The following CSPP1 variants were observed in gnomAD, a reference collection of about 807,000 sequenced individuals.
CSPP1 encodes the protein centrosome and spindle pole-associated protein 1.
Under a neutral mutation model 164.4 loss-of-function variants are expected in CSPP1, and 126 were observed. The ratio of observed to expected loss-of-function variants is 0.77; its 90% CI spans 0.66 to 0.89. The LOEUF is 0.89. Among genes scored for constraint, CSPP1 ranks in the 40% least tolerant of loss-of-function variants. The pLI is 0.00. For synonymous variants in CSPP1, 472 were observed against 476.7 expected (o/e 0.99, Z 0.13); for missense variants, 1,395 against 1,449.8 (o/e 0.96, Z 0.61).
chr8:67,192,023 T>G (rs558024233), intron 29 of CSPP1, among the ~76,000 whole-genome samples: 1 of 152,248 alleles, frequency 6.6e-6, no homozygotes, highest in African/African-American at 2.4e-5. Flanking sequence ...GCCAGTTGTA[T>G]ATTTTCTTAG....
intron 6 of CSPP1, among the ~76,000 whole-genome samples, chr8:67,094,337 A>AATG (rs1331110522): frequency 2.1e-5 from 3 of 144,152 alleles, no homozygotes; most frequent in African/African-American, 7.8e-5. Flanking sequence ...GCAGTGGCAC[A>AATG]ATGTCAGCTC....
At chr8:67,093,946 G>GT (rs1157779649) in intron 6 of CSPP1, among the ~76,000 whole-genome samples, 1 of 150,918 alleles carries the variant, frequency 6.6e-6, no homozygotes, top group South Asian at 2.1e-4. Context: ...AGCTATGTTT[G>GT]TTTTTTTCAA....
chr8:67,111,287 A>AT (rs1380450929), intron 9 of CSPP1, among the ~76,000 whole-genome samples: 4 of 151,998 alleles, frequency 2.6e-5, no homozygotes, highest in Non-Finnish European at 5.9e-5. Context: ...AGAGGTTTGT[A>AT]TTTTTTCCTG....
At chr8:67,090,552 A>G (rs1811404673) in intron 4 of CSPP1, among the ~76,000 whole-genome samples, 1 of 152,104 alleles carries the variant, frequency 6.6e-6, no homozygotes, top group South Asian at 2.1e-4. Context: ...CCAACCTGCT[A>G]GGATTACAGG....
At chr8:67,095,268 TC>T in intron 6 of CSPP1, 24 bp from the exon 7 acceptor site, 1 of 1,474,110 alleles carries the variant, frequency 6.8e-7, no homozygotes, top group Non-Finnish European at 9.1e-7. Flanking sequence ...AAGTTTTGTT[TC>T]TTTTTTCTTT....
rs1818311523 is a variant in CSPP1, at chr8:67,118,240, T to C, written c.1497-8T>C. On this transcript the variant is annotated splice_region_variant and splice_polypyrimidine_tract_variant and intron_variant, in intron 13 of 30. Transcript: ENST00000678616. ...TGAGAGGAATTTTTCATCTTTCTTT[T>C]CATACAGGATTGCACCTCTGCCTCC... 2 of 1,611,374 alleles carry C rather than the reference T, an allele frequency of 1.2e-6. No individual in the cohort carries two copies. Among genetic ancestry groups the C allele is most frequent in the Middle Eastern group, 1.7e-4 (1 of 6,058 alleles).
intron 17 of CSPP1, among the ~76,000 whole-genome samples, chr8:67,140,932 T>G (rs1823363285): frequency 6.6e-6 from 1 of 152,228 alleles, no homozygotes; most frequent in Admixed American, 6.5e-5. Context: ...GACCTAGTTA[T>G]AGGTTCTAAC....
At chr8:67,102,462 C>T (rs553597433) in intron 7 of CSPP1, among the ~76,000 whole-genome samples, 31 of 152,092 alleles carry the variant, frequency 2.0e-4, no homozygotes, top group South Asian at 4.2e-4. Flanking sequence ...TGGTGGTGCG[C>T]GCCTATAGTC....
intron 3 of CSPP1, among the ~76,000 whole-genome samples, chr8:67,081,777 C>T (rs561769563): frequency 1.3e-5 from 2 of 152,286 alleles, no homozygotes; most frequent in Admixed American, 6.5e-5. Context: ...GAGGATCTTG[C>T]TCTGTCATCC....
At chr8:67,171,985 C>G (rs1393182943) in intron 24 of CSPP1, among the ~76,000 whole-genome samples, 6 of 151,806 alleles carry the variant, frequency 4.0e-5, no homozygotes, top group Admixed American at 6.6e-5. Flanking sequence ...GTAGCTGGGA[C>G]TACAGGTGTG....
rs1173007928 is a variant in CSPP1 at position 67,168,170 on chromosome 8, G to A, written c.2828+3662G>A. Among the ~76,000 whole-genome samples the A allele has an allele frequency of 1.1e-4, 17 of 152,232 alleles. No individual in the cohort carries two copies. The East Asian group carries it at 2.1e-3, about 19-fold the overall frequency. On this transcript the variant is annotated intron_variant, in intron 24 of 30. Transcript: ENST00000678616. ...AAACTAGTCAGGCGTGGTGGCGCGCGCCTATAATCGCAGGCACTTGGCAGG... is the reference window on the plus strand; with the variant it reads ...AAACTAGTCAGGCGTGGTGGCGCGCACCTATAATCGCAGGCACTTGGCAGG...
intron 15 of CSPP1, among the ~76,000 whole-genome samples, chr8:67,131,438 A>G (rs1288289693): frequency 6.6e-6 from 1 of 152,200 alleles, no homozygotes; most frequent in Non-Finnish European, 1.5e-5. Context: ...TGTAACAACA[A>G]TATGTTTAAC....
intron 24 of CSPP1, among the ~76,000 whole-genome samples, chr8:67,170,196 G>C (rs1586697511): frequency 6.6e-6 from 1 of 151,676 alleles, no homozygotes; most frequent in South Asian, 2.1e-4. Flanking sequence ...TGTAATCCCA[G>C]CACTTTGGGA....
At chr8:67,083,598 T>C (rs1809787099) in intron 3 of CSPP1, 2 of 139,104 alleles carry the variant, frequency 1.4e-5, no homozygotes, top group South Asian at 4.5e-4. Context: ...ATAATGTAAA[T>C]GAAAATGAAT....
intron 17 of CSPP1, among the ~76,000 whole-genome samples, chr8:67,140,285 A>G (rs899394352): frequency 1.3e-5 from 2 of 152,058 alleles, no homozygotes; most frequent in African/African-American, 4.8e-5. Flanking sequence ...GGGTTTCACC[A>G]TGTTGGTCAG....
chr8:67,130,320 G>C (rs1404387856), intron 15 of CSPP1, among the ~76,000 whole-genome samples: 1 of 152,194 alleles, frequency 6.6e-6, no homozygotes, highest in South Asian at 2.1e-4. Flanking sequence ...TTAAGAATTT[G>C]GGTCTGTGAG....
Position 67,104,586 on chromosome 8 carries a change from CTCTT to C in CSPP1, c.1023-1313_1023-1310del, listed in dbSNP as rs1169619495. On this transcript the variant is annotated intron_variant, in intron 8 of 30. Coordinates refer to ENST00000678616, the MANE Select transcript of CSPP1 (RefSeq NM_001382391.1). ...CTTTTCTAAGTATGTGCATAGATCA[CTCTT>C]TCTTTTCCTTTTTTTTTATTTTTTA... is the stretch of plus-strand genomic sequence containing the variant. Among the ~76,000 whole-genome samples, 10 of 150,956 alleles carry C rather than the reference CTCTT, an allele frequency of 6.6e-5. No individual in the cohort carries two copies. The East Asian group carries it at 9.8e-4, about 15-fold the overall frequency.
intron 15 of CSPP1, among the ~76,000 whole-genome samples, chr8:67,122,494 T>C (rs1819165475): frequency 6.6e-6 from 1 of 152,228 alleles, no homozygotes; most frequent in East Asian, 1.9e-4. Context: ...AACCTGTTGG[T>C]TATTTTGAAA....
In CSPP1 at chr8:67,194,687, T is replaced by TA. The variant is rs546923662; in HGVS notation, c.3470-681dup. On this transcript the variant is annotated intron_variant, in intron 30 of 30. Coordinates refer to ENST00000678616, the MANE Select transcript of CSPP1 (RefSeq NM_001382391.1). ...CCAATCCTTCACAGACCAGGAGAATTAAAAAAAAAAAAAAGAATATGATAT... is the reference window on the plus strand; with the variant it reads ...CCAATCCTTCACAGACCAGGAGAATTAAAAAAAAAAAAAAAGAATATGATAT... 5.9e-3 allele frequency among the ~76,000 whole-genome samples: 799 copies of TA among 135,552 alleles called. 1 individual carries two copies. Among genetic ancestry groups the TA allele is most frequent in the African/African-American group, 0.013 (472 of 37,710 alleles). The allele number at this position is 135,552 out of a possible 152,430, so 88.9% of individuals were successfully genotyped here. A position where few individuals can be genotyped will look rare whatever the true frequency, so the allele number is the denominator to read the frequency against.
Sources: gnomAD v4.1 joint callset for allele counts (sites outside exome capture counted in the v4.1 genomes callset) on GRCh38, gnomAD v4.1.1 for gene constraint, MANE v1.5 for transcripts, NCBI Gene and HGNC (gene_info 2026-07-23, HGNC 2026-07-21) for gene names.